The following KCNK10 variants were observed in gnomAD, a reference collection of about 807,000 sequenced individuals.
KCNK10 encodes potassium two pore domain channel subfamily K member 10, also known as potassium channel subfamily K member 10.
KCNK10 carries 25 observed loss-of-function variants against 47.7 expected under a neutral mutation model. That is an observed-to-expected ratio of 0.52 (90% confidence interval 0.38 to 0.73). KCNK10 has a LOEUF of 0.73. KCNK10 is among the 30% of genes least tolerant of loss of function. The pLI is 0.00. For missense variants in KCNK10, 563 were observed against 714.5 expected, an observed-to-expected ratio of 0.79 and a Z score of 2.42; for synonymous variants, 303 against 285.6, an observed-to-expected ratio of 1.06 and a Z score of -0.61.
In KCNK10 at chr14:88,192,408, T is replaced by C; in HGVS notation, c.684A>G (p.Lys228=). ...GGATCTTGGTCTGACTCACTTGCTT[T>C]TTCTAGGAAGAGCAAAGGAGAAAGA... ...SIARVEKVFR[K]KQVSQTKIRV... Residue 228 remains lysine (K), a splice_region_variant and synonymous_variant, in exon 5 of 7, where the codon AAA becomes AAG. Coordinates refer to ENST00000319231, the MANE Select transcript of KCNK10 (RefSeq NM_138317.3). The C allele has an allele frequency of 6.2e-7, 1 of 1,613,404 alleles. No homozygotes were observed. The highest frequency in any genetic ancestry group is 8.5e-7 in the Non-Finnish European group (1 of 1,179,692).
chr14:88,222,518 G>C (rs949817823), intron 4 of KCNK10, among the ~76,000 whole-genome samples: 1 of 152,256 alleles, frequency 6.6e-6, no homozygotes, highest in South Asian at 2.1e-4. Context: ...ACAACACCAA[G>C]AGTGAACCCT....
intron 4 of KCNK10, among the ~76,000 whole-genome samples, chr14:88,210,600 G>A (rs1013796768): frequency 6.6e-6 from 1 of 152,134 alleles, no homozygotes. Context: ...CCAGCTCTGC[G>A]CACAGGGCCC....
chr14:88,294,963 T>C (rs781047722), intron 1 of KCNK10, among the ~76,000 whole-genome samples: 10 of 152,238 alleles, frequency 6.6e-5, no homozygotes, highest in Non-Finnish European at 1.3e-4. Flanking sequence ...GTATTTCTTA[T>C]ATGTGTTTGC....
rs536610261 is a variant in KCNK10, at chr14:88,226,984, A to T, written c.681+391T>A. Among the ~76,000 whole-genome samples the T allele has an allele frequency of 1.8e-4, 27 of 152,328 alleles. No homozygotes were observed. In the South Asian group the frequency reaches 5.2e-3, roughly 29 times the overall value. On this transcript the variant is annotated intron_variant, in intron 4 of 6. Coordinates refer to ENST00000319231, the MANE Select transcript of KCNK10 (RefSeq NM_138317.3). ...ATTAGCCTAAAGACACTGTGCTTGA[A>T]AATAAAACGGAGTAAGGGAGTTCCA...
intron 4 of KCNK10, among the ~76,000 whole-genome samples, chr14:88,218,283 G>A (rs1251976782): frequency 1.3e-5 from 2 of 152,188 alleles, no homozygotes; most frequent in Non-Finnish European, 2.9e-5. Flanking sequence ...TCCATGCCAG[G>A]CACATGGCAG....
Position 88,259,777 on chromosome 14 carries a change from T to C in KCNK10, c.402+3425A>G, listed in dbSNP as rs1648270156. On this transcript the variant is annotated intron_variant, in intron 2 of 6. Transcript: ENST00000319231. ...TGGCCATCTAATGCTTTTTGACTGC[T>C]AAAATTCTGGAAAGTGTCTGATATG... Among the ~76,000 whole-genome samples, 6 of 152,106 alleles carry C rather than the reference T, an allele frequency of 3.9e-5. No individual in the cohort carries two copies. The South Asian group carries it at 1.2e-3, about 32-fold the overall frequency.
chr14:88,221,301 C>CAATAATAATAATAATAATAAT (rs55913907), intron 4 of KCNK10, among the ~76,000 whole-genome samples: 2,215 of 144,102 alleles, frequency 0.015, 30 homozygotes, highest in African/African-American at 0.04. Flanking sequence ...GACTCTGTCT[C>CAATAATAATAATAATAATAAT]AATAATAATA....
intron 4 of KCNK10, among the ~76,000 whole-genome samples, chr14:88,222,889 A>T (rs1566691051): frequency 6.6e-6 from 1 of 152,220 alleles, no homozygotes; most frequent in African/African-American, 2.4e-5. Flanking sequence ...GATACACCTG[A>T]CATTGTGGAG....
intron 1 of KCNK10, among the ~76,000 whole-genome samples, chr14:88,274,549 T>TAAAAA (rs3994047): frequency 2.5e-5 from 1 of 40,504 alleles, no homozygotes; most frequent in African/African-American, 1.1e-4. Flanking sequence ...AGACTCTATC[T>TAAAAA]AAAAAAAAAA....
At chr14:88,303,458 C>T (rs564334978) in intron 1 of KCNK10, among the ~76,000 whole-genome samples, 1 of 152,176 alleles carries the variant, frequency 6.6e-6, no homozygotes, top group Non-Finnish European at 1.5e-5. Flanking sequence ...ATGGTGACTT[C>T]AGACCACCCT....
At position 88,183,833 on chromosome 14, in the gene KCNK10, T is replaced by C. The variant is rs1884449078; in HGVS notation, c.*1702A>G. The C allele has an allele frequency of 6.6e-6, 1 of 152,348 alleles. No homozygotes were observed. The highest frequency in any genetic ancestry group is 2.1e-4 in the South Asian group (1 of 4,806). The allele number at this position is 152,348 out of a possible 1,614,324, so 9.4% of individuals were successfully genotyped here. A position where few individuals can be genotyped will look rare whatever the true frequency, so the allele number is the denominator to read the frequency against. The stretch of plus-strand genomic sequence containing the variant: ...GTTGAGGATGTCGTGGGTACAACTT[T>C]CCCTGGAGGTCAGAAAGCATGAGAC... On this transcript the variant is annotated 3_prime_UTR_variant, in exon 7 of 7. Coordinates refer to ENST00000319231, the MANE Select transcript of KCNK10 (RefSeq NM_138317.3).
intron 4 of KCNK10, among the ~76,000 whole-genome samples, chr14:88,193,320 T>C (rs1454507268): frequency 1.3e-5 from 2 of 152,128 alleles, no homozygotes. Context: ...AGACTGATAC[T>C]GGGGCAAAGG....
chr14:88,266,863 C>T (rs1275317429), intron 1 of KCNK10, among the ~76,000 whole-genome samples: 1 of 152,214 alleles, frequency 6.6e-6, no homozygotes, highest in East Asian at 1.9e-4. Context: ...CACTGACCTG[C>T]ATCATGGATG....
At chr14:88,321,313 T>C in intron 1 of KCNK10, among the ~76,000 whole-genome samples, 1 of 152,224 alleles carries the variant, frequency 6.6e-6, no homozygotes, top group South Asian at 2.1e-4. Context: ...CTCTGGTCCT[T>C]GTCAATCTCT....
chr14:88,269,152 C>G (rs540820222), intron 1 of KCNK10, among the ~76,000 whole-genome samples: 2 of 152,150 alleles, frequency 1.3e-5, no homozygotes, highest in Admixed American at 1.3e-4. Context: ...AAAAAGAATA[C>G]GGCACATATT....
intron 2 of KCNK10, among the ~76,000 whole-genome samples, chr14:88,259,474 T>C (rs138035306): frequency 2.6e-5 from 4 of 152,196 alleles, no homozygotes; most frequent in Non-Finnish European, 5.9e-5. Flanking sequence ...ATTTACTTAC[T>C]GAGACAAGGT....
At chr14:88,213,261 A>G (rs1197321970) in intron 4 of KCNK10, among the ~76,000 whole-genome samples, 8 of 152,160 alleles carry the variant, frequency 5.3e-5, no homozygotes, top group Non-Finnish European at 1.2e-4. Flanking sequence ...TGGCTCACAG[A>G]AGTAACATGA....
intron 1 of KCNK10, among the ~76,000 whole-genome samples, chr14:88,293,389 T>C: frequency 6.6e-6 from 1 of 152,152 alleles, no homozygotes; most frequent in Non-Finnish European, 1.5e-5. Context: ...TTTAAAATAA[T>C]AAAAACCCTC....
chr14:88,307,425 A>C (rs141748372), intron 1 of KCNK10, among the ~76,000 whole-genome samples: 2 of 152,034 alleles, frequency 1.3e-5, no homozygotes, highest in African/African-American at 4.8e-5. Context: ...TAGAGACAGA[A>C]AGTAAATTCA....
Sources: gnomAD v4.1 joint callset for allele counts (sites outside exome capture counted in the v4.1 genomes callset) on GRCh38, gnomAD v4.1.1 for gene constraint, MANE v1.5 for transcripts, NCBI Gene and HGNC (gene_info 2026-07-23, HGNC 2026-07-21) for gene names.